Variants in NAA16 observed in about 807,000 individuals in gnomAD.
The protein encoded by NAA16 is NARG1-like protein.
Under a neutral mutation model 110.3 loss-of-function variants are expected in NAA16, and 97 were observed. The observed-to-expected ratio is 0.88, with a 90% confidence interval of 0.75 to 1.04. The LOEUF is 1.04. Ranked by LOEUF, NAA16 falls within the 50% of genes least tolerant of loss-of-function variation. The pLI is 0.00. For synonymous variants in NAA16, 372 were observed against 330.6 expected (o/e 1.13, Z -1.36); for missense variants, 1,017 against 1,005.1 (o/e 1.01, Z -0.16).
chr13:41,337,338 T>C (rs1429207179), intron 9 of NAA16, among the ~76,000 whole-genome samples: 2 of 151,976 alleles, frequency 1.3e-5, no homozygotes, highest in African/African-American at 4.8e-5. Flanking sequence ...GGTCAGGAAA[T>C]TGAGACTATC....
intron 8 of NAA16, among the ~76,000 whole-genome samples, chr13:41,333,215 C>G (rs1449495732): frequency 6.6e-6 from 1 of 152,084 alleles, no homozygotes; most frequent in African/African-American, 2.4e-5. Flanking sequence ...GATGCTTAGG[C>G]TTACATTTCT....
rs1347664102 is a variant in NAA16 at position 41,375,760 on chromosome 13, C to T, written c.*158C>T. ...TTATTTTGTTCTTTACCCGACCTGCCAATTTACATAACCATCTGTTAAAAT... is the reference window on the plus strand; with the variant it reads ...TTATTTTGTTCTTTACCCGACCTGCTAATTTACATAACCATCTGTTAAAAT... On this transcript the variant is annotated 3_prime_UTR_variant, in exon 20 of 20. Coordinates refer to ENST00000379406, the MANE Select transcript of NAA16 (RefSeq NM_024561.5). 4 of 536,128 alleles carry T rather than the reference C, an allele frequency of 7.5e-6. No individual in the cohort carries two copies. The highest frequency in any genetic ancestry group is 9.6e-6 in the Non-Finnish European group (3 of 311,812). 33.2% of individuals were successfully genotyped at this position (536,128 alleles called of 1,614,324 possible).
At chr13:41,325,282 A>G (rs547651505) in intron 5 of NAA16, among the ~76,000 whole-genome samples, 3 of 15,358 alleles carry the variant, frequency 2.0e-4, no homozygotes, top group East Asian at 3.8e-3. Flanking sequence ...CTGGGAAACC[A>G]TAAAATTGTG....
intron 1 of NAA16, among the ~76,000 whole-genome samples, chr13:41,315,002 ATAAG>A (rs930194874): frequency 1.6e-4 from 25 of 152,156 alleles, no homozygotes; most frequent in African/African-American, 3.1e-4. Context: ...TAAAAAATAA[ATAAG>A]AAAGATAGGT....
intron 2 of NAA16, among the ~76,000 whole-genome samples, chr13:41,317,770 T>C (rs2041846690): frequency 6.6e-6 from 1 of 152,208 alleles, no homozygotes; most frequent in Non-Finnish European, 1.5e-5. Flanking sequence ...ATAAAAGGTG[T>C]TGGAGCGGGG....
Position 41,325,714 on chromosome 13 carries a change from T to C in NAA16, c.554T>C (p.Ile185Thr), listed in dbSNP as rs771978207. ...TTTTTTCAGGTTCCTCCAAACAAAA[T>C]AGATTATGAATATAGTGAATTGATA... ...RQTQQVPPNK[I>T]DYEYSELILY... Residue 185 changes from isoleucine to threonine, a missense_variant, in exon 6 of 20, where the codon ATA becomes ACA. Transcript: ENST00000379406. 1 of 1,576,560 alleles carries C rather than the reference T, an allele frequency of 6.3e-7. No homozygotes were observed. The highest frequency in any genetic ancestry group is 1.2e-5 in the South Asian group (1 of 84,704).
rs923126043 is a variant in NAA16, at chr13:41,375,440, C to A, written c.2433C>A (p.Gly811=). 35 of 1,613,614 alleles carry A rather than the reference C, an allele frequency of 2.2e-5. No individual in the cohort carries two copies. The highest frequency in any genetic ancestry group is 3.0e-5 in the Non-Finnish European group (35 of 1,179,718). ...AGGTTTCTGAAGCACTGCTTGATGG[C>A]AGCTTTGGGAACTGTAGTTCCCAAT... ...LIKVSEALLD[G]SFGNCSSQYE... The change falls in exon 20 of 20, where the codon GGC becomes GGA. Residue 811 remains glycine, a synonymous_variant. Transcript: ENST00000379406.
At chr13:41,362,367 A>G (rs552180276) in intron 13 of NAA16, 2 of 491,906 alleles carry the variant, frequency 4.1e-6, no homozygotes, top group African/African-American at 4.0e-5. Flanking sequence ...ATGTCTATAT[A>G]TTTTTGTCTG....
intron 19 of NAA16, among the ~76,000 whole-genome samples, chr13:41,375,121 T>C (rs2043403598): frequency 1.3e-5 from 2 of 152,246 alleles, no homozygotes; most frequent in South Asian, 4.1e-4. Flanking sequence ...TGTTAAGTAC[T>C]CAGTAAATGT....
chr13:41,373,599 A>G, intron 17 of NAA16, 38 bp from the exon 18 acceptor site: 1 of 1,540,002 alleles, frequency 6.5e-7, no homozygotes, highest in East Asian at 2.3e-5. Flanking sequence ...CAAAGGACAG[A>G]TCAAAAACAA....
At chr13:41,327,469 A>AG (rs2042123588) in intron 6 of NAA16, among the ~76,000 whole-genome samples, 2 of 151,450 alleles carry the variant, frequency 1.3e-5, no homozygotes, top group Admixed American at 1.3e-4. Flanking sequence ...AAAAAAAAAA[A>AG]CAAATAGGGA....
At chr13:41,335,817 C>T (rs79728863) in intron 8 of NAA16, among the ~76,000 whole-genome samples, 2,030 of 149,690 alleles carry the variant, frequency 0.014, 40 homozygotes, top group African/African-American at 0.046. Context: ...GAGGTCATTT[C>T]AGTCATCTTA....
intron 8 of NAA16, among the ~76,000 whole-genome samples, chr13:41,333,166 A>T (rs187760334): frequency 9.0e-4 from 137 of 152,270 alleles, no homozygotes; most frequent in African/African-American, 3.1e-3. Flanking sequence ...GTATATGCGT[A>T]GTGAGGAGTA....
intron 13 of NAA16, among the ~76,000 whole-genome samples, chr13:41,364,551 T>C (rs2043173462): frequency 6.6e-6 from 1 of 152,180 alleles, no homozygotes; most frequent in Admixed American, 6.5e-5. Context: ...TAATCTATTT[T>C]ATCTTTCAAG....
At chr13:41,312,941 C>T (rs192804230) in intron 1 of NAA16, among the ~76,000 whole-genome samples, 66 of 152,130 alleles carry the variant, frequency 4.3e-4, no homozygotes, top group African/African-American at 1.5e-3. Context: ...TTTTATTTTA[C>T]ACAGCATGGA....
chr13:41,328,599 C>CA, intron 6 of NAA16, 125 bp from the exon 7 acceptor site: 1 of 746,804 alleles, frequency 1.3e-6, no homozygotes, highest in Non-Finnish European at 2.1e-6. Flanking sequence ...GCAACATGCC[C>CA]AAAGGGGAAG....
At position 41,373,758 on chromosome 13, in the gene NAA16, C is replaced by T. The variant is rs767575025; in HGVS notation, c.2277C>T (p.Thr759=). Residue 759 remains threonine, a synonymous_variant, in exon 18 of 20, where the codon ACC becomes ACT. Coordinates refer to ENST00000379406, the MANE Select transcript of NAA16 (RefSeq NM_024561.5). ...AGGATTTTCTGAAACGTAACGCTAC[C>T]TCTCTTCAGCATCTACTTTCAGGTT... ...FNEDFLKRNA[T]SLQHLLSGAK... is the part of the protein sequence containing the mutation. 6.2e-6 allele frequency: 10 copies of T among 1,604,906 alleles called. No individual in the cohort carries two copies. The East Asian group carries it at 1.8e-4, about 29-fold the overall frequency.
intron 9 of NAA16, among the ~76,000 whole-genome samples, chr13:41,350,532 A>G (rs9532795): frequency 0.95 from 142,262 of 150,186 alleles, 67,450 homozygotes; most frequent in South Asian, 0.99. Flanking sequence ...TCCTGACCTC[A>G]TGATCCACCC....
Position 41,362,676 on chromosome 13 carries a change from CT to C in NAA16, c.1539+521del, listed in dbSNP as rs1347534733. 3 of 1,286,682 alleles carry C rather than the reference CT, an allele frequency of 2.3e-6. No homozygotes were observed. The African/African-American group carries it at 4.6e-5, about 20-fold the overall frequency. The allele number at this position is 1,286,682 out of a possible 1,614,324, so 79.7% of individuals were successfully genotyped here. ...TGTGTGATGTGCCTTAGTGAGGGGA[CT>C]TTTCTTTTCCTTTGTGTGAATTTTT... On this transcript the variant is annotated intron_variant, in intron 13 of 19. Coordinates refer to ENST00000379406, the MANE Select transcript of NAA16 (RefSeq NM_024561.5).
Sources: gnomAD v4.1 joint callset for allele counts (sites outside exome capture counted in the v4.1 genomes callset) on GRCh38, gnomAD v4.1.1 for gene constraint, MANE v1.5 for transcripts, NCBI Gene and HGNC (gene_info 2026-07-23, HGNC 2026-07-21) for gene names.